DACH2: variants seen among roughly 807,000 people sequenced by gnomAD.
DACH2 encodes dachshund family transcription factor 2, also known as dachshund homolog 2.
A neutral mutation model predicts 35.8 loss-of-function variants in DACH2; 17 were observed. That is an observed-to-expected ratio of 0.48 (90% CI 0.33 to 0.71). The LOEUF (loss-of-function observed/expected upper bound fraction) is 0.71. DACH2 is among the 30% of genes least tolerant of loss of function. The pLI is 0.02. For missense variants in DACH2, 469 were observed against 472.7 expected (o/e 0.99, Z 0.07); for synonymous variants, 195 against 177.3 (o/e 1.10, Z -0.79).
intron 2 of DACH2, among the ~76,000 whole-genome samples, chrX:86,473,931 G>A (rs2037799821): frequency 9.0e-6 from 1 of 111,342 alleles, no homozygotes; most frequent in Admixed American, 9.6e-5. Context: ...ATTTTTTGAG[G>A]AACCTCCAAA....
At chrX:86,305,924 C>T (rs1000675597) in intron 1 of DACH2, among the ~76,000 whole-genome samples, 1 of 111,365 alleles carries the variant, frequency 9.0e-6, no homozygotes, top group East Asian at 2.8e-4. Context: ...GAATGGCTAT[C>T]GTCAAAAAGA....
intron 2 of DACH2, among the ~76,000 whole-genome samples, chrX:86,509,702 G>C (rs1461407935): frequency 3.6e-5 from 4 of 111,670 alleles, no homozygotes. Context: ...TTACTGTTCT[G>C]GCAAAATAAA....
intron 1 of DACH2, among the ~76,000 whole-genome samples, chrX:86,224,810 C>T (rs1201301843): frequency 3.6e-5 from 4 of 111,047 alleles, no homozygotes; most frequent in Non-Finnish European, 7.6e-5. Flanking sequence ...TAGAGTTTCC[C>T]CATTATTGGC....
chrX:86,237,864 C>G (rs1383913717), intron 1 of DACH2, among the ~76,000 whole-genome samples: 1 of 111,952 alleles, frequency 8.9e-6, no homozygotes, highest in Non-Finnish European at 1.9e-5. Context: ...GTGGTGACTG[C>G]AAGCTTGGAG....
At chrX:86,245,314 A>G (rs2033255436) in intron 1 of DACH2, among the ~76,000 whole-genome samples, 1 of 111,501 alleles carries the variant, frequency 9.0e-6, no homozygotes, top group Admixed American at 9.5e-5. Flanking sequence ...CACCACCCTG[A>G]CACCACCTAT....
intron 7 of DACH2, among the ~76,000 whole-genome samples, chrX:86,790,327 G>A (rs1324007720): frequency 1.8e-5 from 2 of 111,930 alleles, no homozygotes; most frequent in Non-Finnish European, 3.8e-5. Context: ...TTTTTTGAAA[G>A]TACAGCATTC....
chrX:86,645,589 G>A (rs1396028959), intron 3 of DACH2, among the ~76,000 whole-genome samples: 2 of 110,782 alleles, frequency 1.8e-5, no homozygotes, highest in African/African-American at 3.3e-5. Flanking sequence ...TACCAGAAAG[G>A]CACATGCATG....
At chrX:86,480,168 C>CA (rs1344211461) in intron 2 of DACH2, among the ~76,000 whole-genome samples, 1 of 112,316 alleles carries the variant, frequency 8.9e-6, no homozygotes, top group Non-Finnish European at 1.9e-5. Context: ...TGATTAAAGC[C>CA]ATATCTACAT....
intron 1 of DACH2, among the ~76,000 whole-genome samples, chrX:86,257,083 G>A (rs2033535020): frequency 9.0e-6 from 1 of 110,949 alleles, no homozygotes; most frequent in Admixed American, 9.6e-5. Context: ...GAATACTTTT[G>A]TGATTTTTCA....
chrX:86,526,717 G>C (rs1236456181), intron 3 of DACH2, among the ~76,000 whole-genome samples: 1 of 109,984 alleles, frequency 9.1e-6, no homozygotes, highest in Admixed American at 9.8e-5. Flanking sequence ...AGGTGAGAAT[G>C]CTTTTTGAAA....
chrX:86,317,047 G>A (rs146381069), intron 1 of DACH2, among the ~76,000 whole-genome samples: 2,482 of 105,123 alleles, frequency 0.024, 75 homozygotes, highest in East Asian at 0.22. Context: ...AACCCGGGAG[G>A]CAGAGGTTGC....
chrX:86,162,486 A>G (rs2030798696), intron 1 of DACH2, among the ~76,000 whole-genome samples: 1 of 111,580 alleles, frequency 9.0e-6, no homozygotes, highest in Non-Finnish European at 1.9e-5. Context: ...AGGCATATCC[A>G]TAGAGTTCTT....
chrX:86,514,519 A>G, intron 3 of DACH2, 128 bp downstream of exon 3: 1 of 620,885 alleles, frequency 1.6e-6, no homozygotes, highest in Non-Finnish European at 2.3e-6. Context: ...ACATTACTGA[A>G]TTTTTTTATG....
intron 7 of DACH2, among the ~76,000 whole-genome samples, chrX:86,741,532 G>T (rs1216997474): frequency 8.9e-6 from 1 of 111,742 alleles, no homozygotes; most frequent in Non-Finnish European, 1.9e-5. Flanking sequence ...ATGTCCCTCA[G>T]AGAGTAAGTT....
intron 7 of DACH2, among the ~76,000 whole-genome samples, chrX:86,757,137 AT>A (rs1172438415): frequency 9.0e-6 from 1 of 111,124 alleles, no homozygotes; most frequent in Non-Finnish European, 1.9e-5. Context: ...TTAGAATTTT[AT>A]TTTTTAATTT....
intron 3 of DACH2, among the ~76,000 whole-genome samples, chrX:86,607,445 C>A (rs2039872733): frequency 9.0e-6 from 1 of 111,266 alleles, no homozygotes; most frequent in Non-Finnish European, 1.9e-5. Context: ...ACACCATTTG[C>A]ATAAATAAAG....
intron 2 of DACH2, among the ~76,000 whole-genome samples, chrX:86,495,801 G>C (rs1455977617): frequency 1.9e-5 from 2 of 107,106 alleles, no homozygotes; most frequent in African/African-American, 6.8e-5. Flanking sequence ...CTCTAGCTTA[G>C]GAAAAAAAAA....
At chrX:86,399,937 G>T (rs1246641304) in intron 2 of DACH2, among the ~76,000 whole-genome samples, 1 of 111,736 alleles carries the variant, frequency 8.9e-6, no homozygotes, top group Non-Finnish European at 1.9e-5. Flanking sequence ...TGCCTTGCTA[G>T]ATTGGGGAAG....
chrX:86,666,312 T>TGAGAGAGA (rs1556363112), intron 4 of DACH2, among the ~76,000 whole-genome samples: 22 of 99,950 alleles, frequency 2.2e-4, no homozygotes, highest in African/African-American at 8.1e-4. Flanking sequence ...TGTGTGTGTG[T>TGAGAGAGA]GAGAGAGAGA....
Sources: allele counts gnomAD v4.1 joint callset (sites outside exome capture counted in the v4.1 genomes callset), GRCh38; gene constraint gnomAD v4.1.1; transcripts MANE v1.5; gene names NCBI Gene and HGNC (gene_info 2026-07-23, HGNC 2026-07-21).